The following NKD2 variants were observed in gnomAD, a reference collection of about 807,000 sequenced individuals.
The protein encoded by NKD2 is protein naked cuticle homolog 2.
Under a neutral mutation model 34.8 loss-of-function variants are expected in NKD2, and 43 were observed. The ratio of observed to expected loss-of-function variants is 1.24; its 90% CI spans 0.97 to 1.60. The LOEUF is 1.60. NKD2 is among the 40% of genes most tolerant of loss of function. The probability of loss-of-function intolerance (pLI) is 0.00; values close to 1 mark genes in which losing one functional copy is unlikely to be tolerated. For synonymous variants in NKD2, 278 were observed against 265.1 expected (o/e 1.05, Z -0.47); for missense variants, 675 against 627.1 (o/e 1.08, Z -0.82).
intron 3 of NKD2, among the ~76,000 whole-genome samples, chr5:1,025,955 C>T (rs199645902): frequency 1.0e-5 from 1 of 99,198 alleles, no homozygotes; most frequent in Non-Finnish European, 2.0e-5. Flanking sequence ...CCGCTGTGGG[C>T]GTCTCAGCCC....
In NKD2 at chr5:1,033,362, G is replaced by T. The variant is rs771024242; in HGVS notation, c.203-10G>T. ...TCTGCCAGCCCCTTCGCCTCCTCTT[G>T]TCCCCCTAGTGGCACTCCCCGCTGA... On this transcript the variant is annotated splice_polypyrimidine_tract_variant and intron_variant, in intron 4 of 9. Transcript: ENST00000296849. 1.1e-5 allele frequency: 18 copies of T among 1,592,896 alleles called. No homozygotes were observed. The African/African-American group carries it at 2.3e-4, about 20-fold the overall frequency.
chr5:1,028,196 A>T (rs1039284175), intron 3 of NKD2, among the ~76,000 whole-genome samples: 9 of 152,148 alleles, frequency 5.9e-5, no homozygotes, highest in African/African-American at 2.2e-4. Context: ...CGGGGATCAG[A>T]TGTCCTCACT....
rs1195836744 is a variant in NKD2, at chr5:1,036,302, C to T, written c.705C>T (p.Tyr235=). 1.2e-6 allele frequency: 2 copies of T among 1,612,752 alleles called. No homozygotes were observed. The highest frequency in any genetic ancestry group is 1.3e-5 in the African/African-American group (1 of 75,022). ...AGCCCTGCTCGGAGCGGGGGCCCTACTGCGTGGACGAGAACACGGAGCGCA... is the reference window on the plus strand; with the variant it reads ...AGCCCTGCTCGGAGCGGGGGCCCTATTGCGTGGACGAGAACACGGAGCGCA... ...DPQPCSERGP[Y]CVDENTERRN... is the part of the protein sequence containing the mutation. The change falls in exon 9 of 10, where the codon TAC becomes TAT. Residue 235 remains tyrosine, a synonymous_variant. Transcript: ENST00000296849.
chr5:1,029,730 G>A (rs527687225), intron 3 of NKD2, among the ~76,000 whole-genome samples: 16 of 152,300 alleles, frequency 1.1e-4, no homozygotes, highest in Admixed American at 3.3e-4. Flanking sequence ...CCCGTCGCCC[G>A]CTGCCTGTCC....
Position 1,036,274 on chromosome 5 carries a change from C to G in NKD2, c.677C>G (p.Pro226Arg), listed in dbSNP as rs1733917086. ...CCAAGCAGGAGGCCCAGTACTGACC[C>G]CCAGCCCTGCTCGGAGCGGGGGCCC... ...SAHVRRPSTD[P>R]QPCSERGPYC... Residue 226 changes from proline (P) to arginine (R), a missense_variant, in exon 9 of 10, where the codon CCC (proline) becomes CGC (arginine). Pro to Arg is a moderately radical substitution (Grantham distance 103). Coordinates refer to ENST00000296849, the MANE Select transcript of NKD2 (RefSeq NM_033120.4). 1.9e-6 allele frequency: 3 copies of G among 1,609,170 alleles called. No homozygotes were observed. Among genetic ancestry groups the G allele is most frequent in the African/African-American group, 2.7e-5 (2 of 74,816 alleles).
rs1755643635 is a variant in NKD2, at chr5:1,009,129, G to A, written c.25+47G>A. On this transcript the variant is annotated intron_variant, in intron 1 of 9. Coordinates refer to ENST00000296849, the MANE Select transcript of NKD2 (RefSeq NM_033120.4). This position sits in a 1 kb window ranked among gnomAD's most constrained non-coding sequence, Gnocchi z 6.9. ...CGGGAGGGCGGGCGGGCGGGCGTGG[G>A]GCCGCCTCTCACTGTCGTTTTCCTC... 2 of 509,540 alleles carry A rather than the reference G, an allele frequency of 3.9e-6. No homozygotes were observed. The highest frequency in any genetic ancestry group is 6.9e-6 in the Non-Finnish European group (2 of 288,030). 31.6% of individuals were successfully genotyped at this position (509,540 alleles called of 1,614,324 possible). A position where few individuals can be genotyped will look rare whatever the true frequency, so the allele number is the denominator to read the frequency against.
chr5:1,010,003 A>G (rs1755688671), intron 3 of NKD2, among the ~76,000 whole-genome samples: 2 of 152,152 alleles, frequency 1.3e-5, no homozygotes, highest in Admixed American at 1.3e-4. Flanking sequence ...TCAGTGCTCA[A>G]TCAGCAAACA....
At chr5:1,033,348 C>G (rs1756718597) in intron 4 of NKD2, 24 bp from the exon 5 acceptor site, 1 of 1,580,816 alleles carries the variant, frequency 6.3e-7, no homozygotes, top group African/African-American at 1.4e-5. Flanking sequence ...CTGCCAGCCC[C>G]TTCGCCTCCT....
chr5:1,022,135 C>T (rs934301474), intron 3 of NKD2, among the ~76,000 whole-genome samples: 4 of 151,850 alleles, frequency 2.6e-5, no homozygotes, highest in Non-Finnish European at 5.9e-5. Flanking sequence ...CACCAGTAGC[C>T]AGTGGCGCTG....
In NKD2 at chr5:1,009,454, T is replaced by C; in HGVS notation, c.62-27T>C. 1 of 1,487,982 alleles carries C rather than the reference T, an allele frequency of 6.7e-7. No homozygotes were observed. The highest frequency in any genetic ancestry group is 8.9e-7 in the Non-Finnish European group (1 of 1,124,956). The allele number at this position is 1,487,982 out of a possible 1,614,324, so 92.2% of individuals were successfully genotyped here. The stretch of plus-strand genomic sequence containing the variant: ...TCTCTTTCCCTCCTCGGTGCGGGTT[T>C]CCCGCGCGTCCGCCCCCGGACCGCA... On this transcript the variant is annotated intron_variant, in intron 2 of 9. Transcript: ENST00000296849. This position sits in a 1 kb window ranked among gnomAD's most constrained non-coding sequence, Gnocchi z 6.9.
intron 3 of NKD2, among the ~76,000 whole-genome samples, chr5:1,028,840 G>A (rs935481165): frequency 3.3e-5 from 5 of 152,056 alleles, no homozygotes; most frequent in South Asian, 2.1e-4. Flanking sequence ...TCAGGAGGGC[G>A]AGGCCAGGTG....
At position 1,034,264 on chromosome 5, in the gene NKD2, G is replaced by T; in HGVS notation, c.360G>T (p.Glu120Asp). The change falls in exon 6 of 10, where the codon GAG becomes GAT. Residue 120 changes from glutamate (E) to aspartate (D), a missense_variant. Coordinates refer to ENST00000296849, the MANE Select transcript of NKD2 (RefSeq NM_033120.4). Reference sequence around the variant, plus strand: ...TCCAGTGCGATGTCTCGGTGGAGGAGGACGACCGCCAGGAGTGGACGTTCA... The same window carrying T: ...TCCAGTGCGATGTCTCGGTGGAGGATGACGACCGCCAGGAGTGGACGTTCA... Reference protein sequence around the residue: ...DALQCDVSVEEDDRQEWTFTL... With the variant: ...DALQCDVSVEDDDRQEWTFTL... The T allele has an allele frequency of 6.2e-7, 1 of 1,610,958 alleles. No individual in the cohort carries two copies. Among genetic ancestry groups the T allele is most frequent in the Non-Finnish European group, 8.5e-7 (1 of 1,179,124 alleles).
intron 3 of NKD2, among the ~76,000 whole-genome samples, chr5:1,020,120 G>A (rs1290662040): frequency 2.6e-5 from 4 of 152,202 alleles, no homozygotes; most frequent in Non-Finnish European, 5.9e-5. Flanking sequence ...AGTAGCAGGC[G>A]TGACTGGGAG....
chr5:1,036,503 A>ACCCCCCCC (rs1491491725), intron 9 of NKD2, 119 bp downstream of exon 9: 5 of 205,018 alleles, frequency 2.4e-5, no homozygotes, highest in African/African-American at 5.2e-5. Flanking sequence ...CCCCCCCCCA[A>ACCCCCCCC]CCCCCCCCAC....
chr5:1,036,522 AC>A, intron 9 of NKD2, 138 bp downstream of exon 9: 1 of 325,786 alleles, frequency 3.1e-6, no homozygotes, highest in Non-Finnish European at 4.6e-6. Context: ...ACCCCACCCC[AC>A]CCAGGACGGC....
Position 1,009,214 on chromosome 5 carries a change from G to C in NKD2, c.61G>C (p.Gly21Arg). The C allele has an allele frequency of 1.9e-6, 1 of 529,986 alleles. No individual in the cohort carries two copies. The highest frequency in any genetic ancestry group is 3.3e-6 in the Non-Finnish European group (1 of 301,034). 32.8% of individuals were successfully genotyped at this position (529,986 alleles called of 1,614,324 possible). A position where few individuals can be genotyped will look rare whatever the true frequency, so the allele number is the denominator to read the frequency against. Residue 21 changes from glycine (G) to arginine (R), a missense_variant and splice_region_variant, in exon 2 of 10, where the codon GGG becomes CGG. Gly to Arg is a moderately radical substitution (Grantham distance 125). Transcript: ENST00000296849. The surrounding 1 kb of genome is among the most constrained non-coding windows in gnomAD (Gnocchi z 6.9). Reference sequence around the variant, plus strand: ...CCGCAAGCGGAGAGAGAGCCCGGAAGGTGAGCGGGCGAGCCGACGGGCGGG... The same window carrying C: ...CCGCAAGCGGAGAGAGAGCCCGGAACGTGAGCGGGCGAGCCGACGGGCGGG... ...AARKRRESPE[G>R]DSFVASAYAS...
intron 3 of NKD2, among the ~76,000 whole-genome samples, chr5:1,011,680 A>G (rs1241585605): frequency 6.6e-6 from 1 of 152,108 alleles, no homozygotes; most frequent in African/African-American, 2.4e-5. Context: ...AAGAGCCAAG[A>G]CCTCCGACCT....
chr5:1,032,036 C>G (rs1204327055), intron 3 of NKD2, 116 bp from the exon 4 acceptor site: 7 of 780,108 alleles, frequency 9.0e-6, no homozygotes, highest in East Asian at 5.3e-5. Flanking sequence ...GATTGAGACG[C>G]CCCAGGAGGC....
At chr5:1,035,037 T>A (rs1052791541) in intron 7 of NKD2, 134 bp downstream of exon 7, 1 of 804,114 alleles carries the variant, frequency 1.2e-6, no homozygotes, top group East Asian at 2.7e-5. Context: ...AGTGAGTGAA[T>A]GAGTAAGTGG....
Sources: gnomAD v4.1 joint callset for allele counts (sites outside exome capture counted in the v4.1 genomes callset) on GRCh38, gnomAD v4.1.1 for gene constraint, Gnocchi (gnomAD v3.1) non-coding constraint, MANE v1.5 for transcripts, NCBI Gene and HGNC (gene_info 2026-07-23, HGNC 2026-07-21) for gene names.